Variants in VPS8 observed in about 807,000 individuals in gnomAD.
The protein encoded by VPS8 is vacuolar protein sorting-associated protein 8 homolog.
In VPS8, 129 loss-of-function variants were observed where a neutral mutation model predicts 216.4. The ratio of observed to expected loss-of-function variants is 0.60; its 90% confidence interval spans 0.52 to 0.69. The LOEUF is 0.69. Among genes scored for constraint, VPS8 ranks in the 30% least tolerant of loss-of-function variants. VPS8 has a pLI of 0.00. For missense variants in VPS8, 1,531 were observed against 1,683.5 expected (o/e 0.91, Z 1.59); for synonymous variants, 571 against 565.4 (o/e 1.01, Z -0.14).
chr3:184,840,748 G>GT (rs1177961298), intron 7 of VPS8, among the ~76,000 whole-genome samples: 2 of 151,640 alleles, frequency 1.3e-5, no homozygotes, highest in African/African-American at 2.4e-5. Flanking sequence ...AAAACTATTA[G>GT]TTTTTTTGGG....
rs1720694886 is a variant in VPS8, at chr3:184,834,681, A to G, written c.386A>G (p.His129Arg). The G allele has an allele frequency of 6.4e-7, 1 of 1,554,384 alleles. No individual in the cohort carries two copies. Among genetic ancestry groups the G allele is most frequent in the Non-Finnish European group, 8.7e-7 (1 of 1,149,386 alleles). ...KKKLPDSFSLHGSVMRHSLLK... is the reference protein window; with the variant it reads ...KKKLPDSFSLRGSVMRHSLLK... ...AAATTACCTGATTCTTTTTCACTTC[A>G]TGGATCAGTTATGCGCCATTCACTT... Residue 129 changes from histidine (H) to arginine (R), a missense_variant, in exon 5 of 48, where the codon CAT becomes CGT. By Grantham distance (29) the His-to-Arg change is conservative (BLOSUM62 0). Transcript: ENST00000625842.
chr3:185,024,191 C>G (rs1056203606), intron 45 of VPS8, 145 bp from the exon 46 acceptor site: 1 of 747,874 alleles, frequency 1.3e-6, no homozygotes, highest in Non-Finnish European at 2.0e-6. Context: ...GGACTTAACA[C>G]AAAATCTATT....
chr3:184,967,184 C>T (rs945246002), intron 39 of VPS8, among the ~76,000 whole-genome samples: 11 of 152,158 alleles, frequency 7.2e-5, no homozygotes, highest in African/African-American at 1.9e-4. Context: ...AGGCTGGTCT[C>T]GAACTCTTGG....
intron 5 of VPS8, among the ~76,000 whole-genome samples, chr3:184,838,325 A>C (rs1420162537): frequency 1.3e-5 from 2 of 152,190 alleles, no homozygotes; most frequent in Non-Finnish European, 2.9e-5. Context: ...TAGTAGTAGA[A>C]ACATCTTTAA....
chr3:184,842,911 G>A (rs574551185), intron 7 of VPS8, among the ~76,000 whole-genome samples: 18 of 151,604 alleles, frequency 1.2e-4, no homozygotes, highest in Non-Finnish European at 2.2e-4. Context: ...CCCATCCCAG[G>A]GTTCTTAGTT....
intron 7 of VPS8, among the ~76,000 whole-genome samples, chr3:184,842,610 G>A (rs996436540): frequency 6.6e-5 from 10 of 152,212 alleles, no homozygotes; most frequent in African/African-American, 2.2e-4. Flanking sequence ...AAATGGCAGA[G>A]TAATAATACT....
chr3:184,959,126 A>G (rs1278329107), intron 37 of VPS8, among the ~76,000 whole-genome samples: 1 of 152,124 alleles, frequency 6.6e-6, no homozygotes, highest in Non-Finnish European at 1.5e-5. Flanking sequence ...TGAGGCCCCC[A>G]AATATTCTGA....
At chr3:184,935,471 G>C (rs1741439360) in intron 34 of VPS8, among the ~76,000 whole-genome samples, 2 of 152,150 alleles carry the variant, frequency 1.3e-5, no homozygotes, top group African/African-American at 4.8e-5. Flanking sequence ...TGCAGTCATA[G>C]TGGTTTGTCT....
chr3:184,818,724 T>C (rs1296094251), intron 1 of VPS8, among the ~76,000 whole-genome samples: 1 of 152,220 alleles, frequency 6.6e-6, no homozygotes, highest in Non-Finnish European at 1.5e-5. Flanking sequence ...GATTGTTTTC[T>C]AGCATTATAT....
At chr3:184,903,434 T>C (rs1294826973) in intron 25 of VPS8, among the ~76,000 whole-genome samples, 1 of 152,218 alleles carries the variant, frequency 6.6e-6, no homozygotes, top group Non-Finnish European at 1.5e-5. Flanking sequence ...GGTATGTTTT[T>C]CTATTTTTAT....
At chr3:184,816,984 A>G (rs1716469731) in intron 1 of VPS8, among the ~76,000 whole-genome samples, 1 of 152,150 alleles carries the variant, frequency 6.6e-6, no homozygotes, top group Non-Finnish European at 1.5e-5. Flanking sequence ...TGCAAATTGA[A>G]TGGAAGTATG....
intron 44 of VPS8, among the ~76,000 whole-genome samples, chr3:184,997,469 G>T (rs559209923): frequency 6.6e-6 from 1 of 152,344 alleles, no homozygotes; most frequent in Non-Finnish European, 1.5e-5. Flanking sequence ...AGGAAGATTG[G>T]TAGACTTGAT....
intron 23 of VPS8, among the ~76,000 whole-genome samples, chr3:184,898,210 C>A (rs1374894570): frequency 6.6e-6 from 1 of 152,106 alleles, no homozygotes; most frequent in Non-Finnish European, 1.5e-5. Flanking sequence ...CTGGATTTAT[C>A]TTATCTAACA....
At chr3:184,901,928 C>G (rs952121740) in intron 25 of VPS8, among the ~76,000 whole-genome samples, 55 of 152,170 alleles carry the variant, frequency 3.6e-4, no homozygotes, top group African/African-American at 1.2e-3. Flanking sequence ...GCTCCACATC[C>G]TTGCAAGCAC....
At chr3:185,038,505 G>A (rs909004954) in intron 46 of VPS8, among the ~76,000 whole-genome samples, 3 of 152,206 alleles carry the variant, frequency 2.0e-5, no homozygotes, top group African/African-American at 4.8e-5. Flanking sequence ...TAGCCAGCCT[G>A]TAGTCTAGGT....
chr3:184,823,530 C>T (rs1417328097), intron 1 of VPS8, among the ~76,000 whole-genome samples: 1 of 152,162 alleles, frequency 6.6e-6, no homozygotes, highest in Non-Finnish European at 1.5e-5. Flanking sequence ...GAGCTTTGCA[C>T]TGAGAGTTTT....
chr3:185,043,336 A>G (rs1229827937), intron 46 of VPS8, among the ~76,000 whole-genome samples: 4 of 152,188 alleles, frequency 2.6e-5, no homozygotes, highest in African/African-American at 9.7e-5. Flanking sequence ...ACACAAACGC[A>G]GCTAGCAGAA....
chr3:184,907,116 G>A (rs1047902054), intron 25 of VPS8, among the ~76,000 whole-genome samples: 2 of 152,138 alleles, frequency 1.3e-5, no homozygotes, highest in African/African-American at 2.4e-5. Flanking sequence ...ATGAGACATC[G>A]ATCAATACGT....
chr3:184,841,314 A>G (rs989825807), intron 7 of VPS8, among the ~76,000 whole-genome samples: 8 of 152,160 alleles, frequency 5.3e-5, no homozygotes, highest in Non-Finnish European at 7.4e-5. Flanking sequence ...ATGTGTATCT[A>G]TACACCCTCA....
Sources: gnomAD v4.1 joint callset for allele counts (sites outside exome capture counted in the v4.1 genomes callset) on GRCh38, gnomAD v4.1.1 for gene constraint, MANE v1.5 for transcripts, NCBI Gene and HGNC (gene_info 2026-07-23, HGNC 2026-07-21) for gene names.